OGFRL1: variants seen among roughly 807,000 people sequenced by gnomAD.
The protein encoded by OGFRL1 is opioid growth factor receptor like 1.
OGFRL1 carries 26 observed loss-of-function variants against 32.4 expected under a neutral mutation model. That is an observed-to-expected ratio of 0.80 (90% CI 0.59 to 1.11). The LOEUF is 1.11. Among genes scored for constraint, OGFRL1 ranks in the 50% most tolerant of loss-of-function variants. The pLI, the probability that OGFRL1 is intolerant of heterozygous loss-of-function variation, is 0.00. For synonymous variants in OGFRL1, 211 were observed against 201.2 expected (o/e 1.05, Z -0.41); for missense variants, 521 against 546.4 (o/e 0.95, Z 0.46).
Position 71,305,075 on chromosome 6 carries a change from T to TA in OGFRL1, c.*3032dup, listed in dbSNP as rs933963650. On this transcript the variant is annotated 3_prime_UTR_variant, in exon 7 of 7. Coordinates refer to ENST00000370435, the MANE Select transcript of OGFRL1 (RefSeq NM_024576.5). Reference sequence around the variant, plus strand: ...GCAGAAATTCATTGAGAAGCTGTTATAAAAAATGCAGTGAAGCATGACCAA... The same window carrying TA: ...GCAGAAATTCATTGAGAAGCTGTTATAAAAAAATGCAGTGAAGCATGACCAA... 2 of 152,046 alleles carry TA rather than the reference T, an allele frequency of 1.3e-5. No individual in the cohort carries two copies. The highest frequency in any genetic ancestry group is 4.8e-5 in the African/African-American group (2 of 41,454). The allele number at this position is 152,046 out of a possible 1,614,324, so 9.4% of individuals were successfully genotyped here. A position where few individuals can be genotyped will look rare whatever the true frequency, so the allele number is the denominator to read the frequency against.
Position 71,296,557 on chromosome 6 carries a change from T to G in OGFRL1, c.542T>G (p.Ile181Ser), listed in dbSNP as rs775052459. Reference protein sequence around the residue: ...FYAKELTTYEIEEFKKTKEAI... With the variant: ...FYAKELTTYESEEFKKTKEAI... The stretch of plus-strand genomic sequence containing the variant: ...GCCAAAGAACTAACTACATATGAAA[T>G]TGAGGTAATGCAAGCTCATTTCATT... The change falls in exon 5 of 7, where the codon ATT becomes AGT. Residue 181 changes from isoleucine (I) to serine (S), a missense_variant. Transcript: ENST00000370435. 1 of 1,611,860 alleles carries G rather than the reference T, an allele frequency of 6.2e-7. No individual in the cohort carries two copies. The highest frequency in any genetic ancestry group is 2.2e-5 in the East Asian group (1 of 44,824).
Position 71,308,640 on chromosome 6 carries a change from G to A in OGFRL1, c.*6591G>A, listed in dbSNP as rs1766627819. On this transcript the variant is annotated 3_prime_UTR_variant, in exon 7 of 7. Transcript: ENST00000370435. ...ATACCATGTGTATGTGGTAGAAGTT[G>A]TAACCAGTTTCTGGATCTGTATGGT... 6.6e-6 allele frequency: 1 copy of A among 152,152 alleles called. No homozygotes were observed. Among genetic ancestry groups the A allele is most frequent in the Admixed American group, 6.5e-5 (1 of 15,282 alleles). 9.4% of individuals were successfully genotyped at this position (152,152 alleles called of 1,614,324 possible).
At chr6:71,297,784 G>A (rs1172082699) in intron 6 of OGFRL1, among the ~76,000 whole-genome samples, 2 of 151,466 alleles carry the variant, frequency 1.3e-5, no homozygotes, top group African/African-American at 4.8e-5. Flanking sequence ...GGTAAGATGG[G>A]TATAAATATA....
At position 71,306,340 on chromosome 6, in the gene OGFRL1, A is replaced by T. The variant is rs1353739254; in HGVS notation, c.*4291A>T. Reference sequence around the variant, plus strand: ...GCTAATCTCTAGGGTGACAGTGAGTACTACCCTGCTCCTTCTGCATTCTAG... The same window carrying T: ...GCTAATCTCTAGGGTGACAGTGAGTTCTACCCTGCTCCTTCTGCATTCTAG... On this transcript the variant is annotated 3_prime_UTR_variant, in exon 7 of 7. Transcript: ENST00000370435. 1 of 152,150 alleles carries T rather than the reference A, an allele frequency of 6.6e-6. No homozygotes were observed. The highest frequency in any genetic ancestry group is 1.5e-5 in the Non-Finnish European group (1 of 68,020). 9.4% of individuals were successfully genotyped at this position (152,150 alleles called of 1,614,324 possible). A position where few individuals can be genotyped will look rare whatever the true frequency, so the allele number is the denominator to read the frequency against.
At chr6:71,300,004 G>C (rs576242315) in intron 6 of OGFRL1, among the ~76,000 whole-genome samples, 1 of 152,258 alleles carries the variant, frequency 6.6e-6, no homozygotes, top group South Asian at 2.1e-4. Flanking sequence ...TGAAACATAA[G>C]ACCATGGAAC....
chr6:71,289,913 C>A lies in OGFRL1; in HGVS notation c.234+743C>A, dbSNP rs1396900181. 4.0e-6 allele frequency: 3 copies of A among 745,176 alleles called. 1 individual carries two copies. In the South Asian group the frequency reaches 1.8e-4, roughly 45 times the overall value. 46.2% of individuals were successfully genotyped at this position (745,176 alleles called of 1,614,324 possible). A position where few individuals can be genotyped will look rare whatever the true frequency, so the allele number is the denominator to read the frequency against. On this transcript the variant is annotated intron_variant, in intron 1 of 6. Coordinates refer to ENST00000370435, the MANE Select transcript of OGFRL1 (RefSeq NM_024576.5). ...GCCGACCCCCTGAAGAAGTGTGCATCCTGGAGGTGGTTCAGGTTTGCCGCT... is the reference window on the plus strand; with the variant it reads ...GCCGACCCCCTGAAGAAGTGTGCATACTGGAGGTGGTTCAGGTTTGCCGCT...
At chr6:71,289,367 C>T (rs146979013) in intron 1 of OGFRL1, 197 bp downstream of exon 1, 12,720 of 984,518 alleles carry the variant, frequency 0.013, 88 homozygotes, top group Middle Eastern at 0.015. Flanking sequence ...AGCGCCGGAC[C>T]CTCCCACTGC....
chr6:71,289,859 C>T (rs1230551414), intron 1 of OGFRL1: 1 of 971,704 alleles, frequency 1.0e-6, no homozygotes, highest in African/African-American at 1.8e-5. Context: ...TGAAAATAAT[C>T]AGGAACTTTA....
In OGFRL1 at chr6:71,296,736, T is replaced by G. The variant is rs1438682120; in HGVS notation, c.611T>G (p.Phe204Cys). ...FLLAYKMMLE[F>C]FGIKLTDKTG... ...CTGGCTTATAAAATGATGCTAGAAT[T>G]TTTTGGAATAAAACTGACTGATAAA... Residue 204 changes from phenylalanine (F) to cysteine (C), a missense_variant, in exon 6 of 7, where the codon TTT (phenylalanine) becomes TGT (cysteine). Physicochemically the swap from Phe to Cys is radical, Grantham distance 205 (BLOSUM62 -2). Coordinates refer to ENST00000370435, the MANE Select transcript of OGFRL1 (RefSeq NM_024576.5). The G allele has an allele frequency of 6.2e-7, 1 of 1,613,724 alleles. No homozygotes were observed. Among genetic ancestry groups the G allele is most frequent in the East Asian group, 2.2e-5 (1 of 44,866 alleles).
rs929813517 is a variant in OGFRL1 at position 71,306,952 on chromosome 6, T to C, written c.*4903T>C. On this transcript the variant is annotated 3_prime_UTR_variant, in exon 7 of 7. Transcript: ENST00000370435. The stretch of plus-strand genomic sequence containing the variant: ...AATTTGAAAAACTTTTATGCTGTAG[T>C]CTCATTAGAATCATTTTAAAAGCAC... 1.8e-4 allele frequency: 28 copies of C among 152,226 alleles called. No individual in the cohort carries two copies. The highest frequency in any genetic ancestry group is 6.8e-4 in the African/African-American group (28 of 41,458). 9.4% of individuals were successfully genotyped at this position (152,226 alleles called of 1,614,324 possible).
chr6:71,292,830 A>G (rs1016988046), intron 1 of OGFRL1, among the ~76,000 whole-genome samples: 1 of 152,198 alleles, frequency 6.6e-6, no homozygotes, highest in Non-Finnish European at 1.5e-5. Context: ...TTGACTTCCA[A>G]GTACAGCTAA....
rs748988009 is a variant in OGFRL1, at chr6:71,288,894, C to CGCCCCGCAGCCCCGCA, written c.-35_-20dup. ...GCCCTAGAGCGCCTGCCGCAGCTTG[C>CGCCCCGCAGCCCCGCA]GCCCCGCAGCCCCGCAGCCCCGCGC... On this transcript the variant is annotated 5_prime_UTR_variant, in exon 1 of 7. Coordinates refer to ENST00000370435, the MANE Select transcript of OGFRL1 (RefSeq NM_024576.5). 1.6e-6 allele frequency: 2 copies of CGCCCCGCAGCCCCGCA among 1,229,114 alleles called. No individual in the cohort carries two copies. Among genetic ancestry groups the CGCCCCGCAGCCCCGCA allele is most frequent in the East Asian group, 5.2e-5 (1 of 19,084 alleles). The allele number at this position is 1,229,114 out of a possible 1,614,324, so 76.1% of individuals were successfully genotyped here. A position where few individuals can be genotyped will look rare whatever the true frequency, so the allele number is the denominator to read the frequency against.
Position 71,301,903 on chromosome 6 carries a change from A to G in OGFRL1, c.1210A>G (p.Asn404Asp). Residue 404 changes from asparagine (N) to aspartate (D), a missense_variant, in exon 7 of 7, where the codon AAT (asparagine) becomes GAT (aspartate). Coordinates refer to ENST00000370435, the MANE Select transcript of OGFRL1 (RefSeq NM_024576.5). ...TEKDSNAENM[N>D]SQPEKTVTTP... is the part of the protein sequence containing the mutation. ...GAAGGACAGTAATGCTGAGAACATGAATTCTCAACCTGAGAAAACAGTTAC... is the reference window on the plus strand; with the variant it reads ...GAAGGACAGTAATGCTGAGAACATGGATTCTCAACCTGAGAAAACAGTTAC... The G allele has an allele frequency of 6.2e-7, 1 of 1,614,054 alleles. No individual in the cohort carries two copies. The highest frequency in any genetic ancestry group is 8.5e-7 in the Non-Finnish European group (1 of 1,179,998).
At chr6:71,289,432 A>G (rs1014505799) in intron 1 of OGFRL1, 1 of 985,106 alleles carries the variant, frequency 1.0e-6, no homozygotes, top group African/African-American at 1.7e-5. Flanking sequence ...GCAGAACCCA[A>G]CTTGAATGGG....
chr6:71,301,337 T>C, intron 6 of OGFRL1, 49 bp from the exon 7 acceptor site: 2 of 1,438,058 alleles, frequency 1.4e-6, no homozygotes, highest in Non-Finnish European at 1.9e-6. Flanking sequence ...TTCTCCTGCC[T>C]TCCTACACCT....
In OGFRL1 at chr6:71,305,310, T is replaced by C. The variant is rs1766513897; in HGVS notation, c.*3261T>C. ...ATTATGTGAAACTATTTTTAAATAC[T>C]GTAAAGTGACATATAGTTATAAGAT... On this transcript the variant is annotated 3_prime_UTR_variant, in exon 7 of 7. Transcript: ENST00000370435. 2.0e-5 allele frequency: 3 copies of C among 152,046 alleles called. No individual in the cohort carries two copies. The South Asian group carries it at 6.2e-4, about 31-fold the overall frequency. The allele number at this position is 152,046 out of a possible 1,614,324, so 9.4% of individuals were successfully genotyped here.
Position 71,301,412 on chromosome 6 carries a change from CT to C in OGFRL1, c.720del (p.Arg241ValfsTer19). On this transcript the variant is annotated frameshift_variant, in exon 7 of 7. Coordinates refer to ENST00000370435, the MANE Select transcript of OGFRL1 (RefSeq NM_024576.5). LOFTEE classifies it low-confidence loss of function (END_TRUNC). ...NESQHNYLRI[T>X]RILKSLGELG... ...TCCCAGCACAACTATTTAAGAATCA[CT>C]CGTATTCTTAAAAGCCTTGGTGAGC... 1 of 1,595,966 alleles carries C rather than the reference CT, an allele frequency of 6.3e-7. No homozygotes were observed. Among genetic ancestry groups the C allele is most frequent in the Non-Finnish European group, 8.5e-7 (1 of 1,173,542 alleles).
chr6:71,289,087 G>GCGCAGCCCC lies in OGFRL1; in HGVS notation c.154_162dup (p.Gln52_Pro54dup), dbSNP rs2149350067. 2 of 1,149,736 alleles carry GCGCAGCCCC rather than the reference G, an allele frequency of 1.7e-6. No individual in the cohort carries two copies. Among genetic ancestry groups the GCGCAGCCCC allele is most frequent in the East Asian group, 9.7e-5 (2 of 20,630 alleles). The allele number at this position is 1,149,736 out of a possible 1,614,324, so 71.2% of individuals were successfully genotyped here. A position where few individuals can be genotyped will look rare whatever the true frequency, so the allele number is the denominator to read the frequency against. ...CCCGGGGCAGGAGTCCGAGCAGCCC[G>GCGCAGCCCC]CGCAGCCCCCGGAGCAAGCCGGCGG... On this transcript the variant is annotated inframe_insertion, in exon 1 of 7. Coordinates refer to ENST00000370435, the MANE Select transcript of OGFRL1 (RefSeq NM_024576.5).
rs1378594875 is a variant in OGFRL1 at position 71,303,552 on chromosome 6, T to C, written c.*1503T>C. 1 of 152,192 alleles carries C rather than the reference T, an allele frequency of 6.6e-6. No homozygotes were observed. The highest frequency in any genetic ancestry group is 2.4e-5 in the African/African-American group (1 of 41,454). 9.4% of individuals were successfully genotyped at this position (152,192 alleles called of 1,614,324 possible). Reference sequence around the variant, plus strand: ...GACTGAAGAATTAAAAAATAAGAAATTCCTTTTTAAAAGGCATGCCTCTTG... The same window carrying C: ...GACTGAAGAATTAAAAAATAAGAAACTCCTTTTTAAAAGGCATGCCTCTTG... On this transcript the variant is annotated 3_prime_UTR_variant, in exon 7 of 7. Coordinates refer to ENST00000370435, the MANE Select transcript of OGFRL1 (RefSeq NM_024576.5).
Sources: allele counts gnomAD v4.1 joint callset (sites outside exome capture counted in the v4.1 genomes callset), GRCh38; gene constraint gnomAD v4.1.1; transcripts MANE v1.5; gene names NCBI Gene and HGNC (gene_info 2026-07-23, HGNC 2026-07-21).